Variants in ADAMTS17 observed in about 807,000 individuals in gnomAD.
The protein encoded by ADAMTS17 is ADAM metallopeptidase with thrombospondin type 1 motif 17, also known as A disintegrin and metalloproteinase with thrombospondin motifs 17.
ADAMTS17 carries 113 observed loss-of-function variants against 141.5 expected under a neutral mutation model. The observed-to-expected ratio is 0.80, with a 90% confidence interval of 0.69 to 0.93. The LOEUF (loss-of-function observed/expected upper bound fraction) is 0.93, where lower values mean the gene tolerates loss of function less well. Among genes scored for constraint, ADAMTS17 ranks in the 40% least tolerant of loss-of-function variants. The pLI is 0.00. For synonymous variants in ADAMTS17, 768 were observed against 630.6 expected, an observed-to-expected ratio of 1.22 and a Z score of -3.27; for missense variants, 1,659 against 1,517.9, an observed-to-expected ratio of 1.09 and a Z score of -1.54.
chr15:100,053,481 T>C (rs534112700), intron 16 of ADAMTS17, among the ~76,000 whole-genome samples: 1 of 152,286 alleles, frequency 6.6e-6, no homozygotes, highest in Admixed American at 6.5e-5. Context: ...TCATAGTTCA[T>C]TTCCGAAAGG....
intron 8 of ADAMTS17, among the ~76,000 whole-genome samples, chr15:100,180,748 T>G (rs1022015099): frequency 6.6e-6 from 1 of 152,240 alleles, no homozygotes. Flanking sequence ...TTTGGTTAAG[T>G]TAATTCTTAG....
chr15:100,154,877 C>T (rs1458859147), intron 9 of ADAMTS17, among the ~76,000 whole-genome samples: 3 of 152,200 alleles, frequency 2.0e-5, no homozygotes, highest in Non-Finnish European at 4.4e-5. Context: ...GGTGACCACA[C>T]GGTCACAACA....
intron 3 of ADAMTS17, among the ~76,000 whole-genome samples, chr15:100,326,969 T>C (rs900581813): frequency 6.6e-6 from 1 of 152,244 alleles, no homozygotes; most frequent in Non-Finnish European, 1.5e-5. Flanking sequence ...CATGAACTCA[T>C]GTCAATGATG....
chr15:100,238,182 A>G (rs2042716793), intron 7 of ADAMTS17, among the ~76,000 whole-genome samples: 1 of 152,248 alleles, frequency 6.6e-6, no homozygotes. Flanking sequence ...AACGGGTTGC[A>G]CATGAGTGTA....
chr15:100,335,420 G>GT lies in ADAMTS17; in HGVS notation c.451-4367_451-4366insA, dbSNP rs575052774. ...CACTCACTTCTCCCTCCTGGAATCT[G>GT]AAGGCTACCCTCCTCCCTCCCCAGA... On this transcript the variant is annotated intron_variant, in intron 2 of 21. Coordinates refer to ENST00000268070, the MANE Select transcript of ADAMTS17 (RefSeq NM_139057.4). 1.7e-3 allele frequency among the ~76,000 whole-genome samples: 266 copies of GT among 152,250 alleles called. 1 individual carries two copies. In the South Asian group the frequency reaches 0.024, roughly 14 times the overall value.
chr15:100,211,685 CGAA>C (rs1239763911), intron 7 of ADAMTS17, among the ~76,000 whole-genome samples: 2 of 151,914 alleles, frequency 1.3e-5, no homozygotes, highest in Non-Finnish European at 1.5e-5. Flanking sequence ...AAGGTAAAGA[CGAA>C]GAAAAGACAT....
chr15:100,215,569 G>A (rs1308268454), intron 7 of ADAMTS17, among the ~76,000 whole-genome samples: 1 of 152,108 alleles, frequency 6.6e-6, no homozygotes, highest in East Asian at 1.9e-4. Context: ...GGTCACTGCT[G>A]CCCTTGGGTA....
At chr15:100,047,065 GCC>G (rs1413723539) in intron 18 of ADAMTS17, among the ~76,000 whole-genome samples, 1 of 151,926 alleles carries the variant, frequency 6.6e-6, no homozygotes, top group African/African-American at 2.4e-5. Context: ...CTGAGGGTAG[GCC>G]TCTAAAATGG....
chr15:100,104,116 C>T (rs2036282542), intron 14 of ADAMTS17, among the ~76,000 whole-genome samples: 1 of 152,222 alleles, frequency 6.6e-6, no homozygotes, highest in Admixed American at 6.5e-5. Flanking sequence ...GTCTCAGGTA[C>T]ATCTGGGTCT....
chr15:100,090,686 T>A (rs2035400833), intron 15 of ADAMTS17, among the ~76,000 whole-genome samples: 1 of 152,068 alleles, frequency 6.6e-6, no homozygotes, highest in Admixed American at 6.5e-5. Flanking sequence ...CTGCTAACCG[T>A]CCTACGACAA....
chr15:100,186,786 G>A lies in ADAMTS17; in HGVS notation c.1181+12532C>T, dbSNP rs574035173. 1.4e-4 allele frequency among the ~76,000 whole-genome samples: 21 copies of A among 152,270 alleles called. No homozygotes were observed. The East Asian group carries it at 2.7e-3, about 20-fold the overall frequency. ...AATTTTCCATCCCCTATCTCTGCAC[G>A]ATCCTTGGCTGACTTCTAGGATTGT... On this transcript the variant is annotated intron_variant, in intron 8 of 21. Coordinates refer to ENST00000268070, the MANE Select transcript of ADAMTS17 (RefSeq NM_139057.4).
chr15:100,015,766 T>G (rs1314249483), intron 18 of ADAMTS17, among the ~76,000 whole-genome samples: 1 of 152,242 alleles, frequency 6.6e-6, no homozygotes, highest in East Asian at 1.9e-4. Flanking sequence ...CTTTTATGGG[T>G]TACCTGGTGC....
intron 8 of ADAMTS17, among the ~76,000 whole-genome samples, chr15:100,186,487 T>C (rs2040722652): frequency 6.6e-6 from 1 of 152,188 alleles, no homozygotes; most frequent in Non-Finnish European, 1.5e-5. Context: ...CGCATACCCT[T>C]TTCCCTCCCA....
intron 20 of ADAMTS17, among the ~76,000 whole-genome samples, chr15:99,986,404 C>T (rs892595443): frequency 1.3e-5 from 2 of 152,152 alleles, no homozygotes; most frequent in Non-Finnish European, 2.9e-5. Context: ...CTGACTTCCT[C>T]CTAGGGCTCA....
At chr15:100,183,601 G>A (rs1294050750) in intron 8 of ADAMTS17, among the ~76,000 whole-genome samples, 1 of 152,122 alleles carries the variant, frequency 6.6e-6, no homozygotes, top group African/African-American at 2.4e-5. Flanking sequence ...ATCGTCGTTA[G>A]ACAATTCCAA....
chr15:100,016,865 C>T lies in ADAMTS17; in HGVS notation c.2592-19276G>A, dbSNP rs113760838. Among the ~76,000 whole-genome samples, 91 of 152,308 alleles carry T rather than the reference C, an allele frequency of 6.0e-4. 1 individual carries two copies. The highest frequency in any genetic ancestry group is 1.9e-3 in the South Asian group (9 of 4,830). ...GCCTCCTGCCAGGAGGTGATGCTTT[C>T]CAGAGAGCACCAGCTATGGTAGTAT... On this transcript the variant is annotated intron_variant, in intron 18 of 21. Transcript: ENST00000268070.
chr15:100,177,905 C>A (rs1250762111), intron 8 of ADAMTS17, among the ~76,000 whole-genome samples: 2 of 152,126 alleles, frequency 1.3e-5, no homozygotes, highest in Non-Finnish European at 2.9e-5. Flanking sequence ...TATCATTATA[C>A]AATGTCCCTC....
At chr15:100,176,536 C>T (rs778291522) in intron 8 of ADAMTS17, among the ~76,000 whole-genome samples, 8 of 152,150 alleles carry the variant, frequency 5.3e-5, no homozygotes, top group Non-Finnish European at 1.2e-4. Flanking sequence ...TGCACCCTTC[C>T]CCCAGCCTCC....
At chr15:99,996,745 G>A (rs1266104324) in intron 19 of ADAMTS17, among the ~76,000 whole-genome samples, 1 of 152,106 alleles carries the variant, frequency 6.6e-6, no homozygotes, top group Non-Finnish European at 1.5e-5. Context: ...TGGAAGACCT[G>A]AGGGAAGCCT....
Sources: allele counts gnomAD v4.1 joint callset (sites outside exome capture counted in the v4.1 genomes callset), GRCh38; gene constraint gnomAD v4.1.1; transcripts MANE v1.5; gene names NCBI Gene and HGNC (gene_info 2026-07-23, HGNC 2026-07-21).